Variants in SCRIB observed in about 807,000 individuals in gnomAD.
SCRIB encodes the protein scribble planar cell polarity protein.
In SCRIB, 72 loss-of-function variants were observed where a neutral mutation model predicts 170.0. That is an observed-to-expected ratio of 0.42 (90% CI 0.35 to 0.52). The LOEUF is 0.52. SCRIB is among the 20% of genes least tolerant of loss of function. SCRIB has a pLI of 0.02. For missense variants in SCRIB, 2,475 were observed against 2,338.5 expected (o/e 1.06, Z -1.20); for synonymous variants, 1,298 against 1,044.3 (o/e 1.24, Z -4.68).
At chr8:143,814,647 C>G (rs927972570) in intron 1 of SCRIB, among the ~76,000 whole-genome samples, 1 of 152,230 alleles carries the variant, frequency 6.6e-6, no homozygotes, top group African/African-American at 2.4e-5. Flanking sequence ...GACACCCAAC[C>G]CCTAGGTACT....
At position 143,792,421 on chromosome 8, in the gene SCRIB, G is replaced by T; in HGVS notation, c.4329-16C>A. 1 of 1,507,910 alleles carries T rather than the reference G, an allele frequency of 6.6e-7. No homozygotes were observed. The highest frequency in any genetic ancestry group is 2.3e-5 in the East Asian group (1 of 42,636). The allele number at this position is 1,507,910 out of a possible 1,614,324, so 93.4% of individuals were successfully genotyped here. A position where few individuals can be genotyped will look rare whatever the true frequency, so the allele number is the denominator to read the frequency against. ...CGGGCTCTGCCTGGGGAAGGGACAG[G>T]ACGTGCTGTGGGGGGCAGGGGCACG... On this transcript the variant is annotated splice_polypyrimidine_tract_variant and intron_variant, in intron 31 of 36. Transcript: ENST00000356994.
At position 143,793,288 on chromosome 8, in the gene SCRIB, G is replaced by C. The variant is rs1814789976; in HGVS notation, c.3910-205C>G. On this transcript the variant is annotated intron_variant, in intron 28 of 36. Transcript: ENST00000356994. ...GGGACAACCTCTGCCCCTGGGGGCT[G>C]GGGAGCCCCTTGGCCAGGCCTGAGC... is the stretch of plus-strand genomic sequence containing the variant. 1.5e-5 allele frequency: 7 copies of C among 465,246 alleles called. 1 individual carries two copies. In the East Asian group the frequency reaches 2.4e-4, roughly 16 times the overall value. The allele number at this position is 465,246 out of a possible 1,614,324, so 28.8% of individuals were successfully genotyped here.
chr8:143,812,297 G>A lies in SCRIB; in HGVS notation c.875C>T (p.Ser292Phe), dbSNP rs1267230125. ...CAGGTTCTCCGTGAGGATCAGCTCA[G>A]AGAGGTTCTCACAGTCCCCGATGGC... is the stretch of plus-strand genomic sequence containing the variant. ...TEAIGDCENL[S>F]ELILTENLLM... is the part of the protein sequence containing the mutation. The change falls in exon 9 of 37, where the codon TCT (serine) becomes TTT (phenylalanine). Residue 292 changes from serine (S) to phenylalanine (F), a missense_variant. By Grantham distance (155) the Ser-to-Phe change is radical. This residue lies in a region of SCRIB where 487 missense variants were observed against 558.1 expected (regional missense o/e 0.87). Transcript: ENST00000356994. The A allele has an allele frequency of 1.9e-6, 3 of 1,612,686 alleles. No homozygotes were observed. Among genetic ancestry groups the A allele is most frequent in the African/African-American group, 2.7e-5 (2 of 74,846 alleles).
At chr8:143,805,526 G>A in intron 18 of SCRIB, 91 bp from the exon 19 acceptor site, 1 of 1,283,250 alleles carries the variant, frequency 7.8e-7, no homozygotes, top group Non-Finnish European at 1.0e-6. Flanking sequence ...TCCAGGATGG[G>A]GAGACTGAGG....
chr8:143,807,599 G>A lies in SCRIB; in HGVS notation c.2131C>T (p.Gln711Ter). The A allele has an allele frequency of 2.5e-6, 4 of 1,613,868 alleles. No homozygotes were observed. The highest frequency in any genetic ancestry group is 3.4e-6 in the Non-Finnish European group (4 of 1,179,844). ...APSVKGVSFD[Q>*]ANNLLIEPAR... ...GGCTCTATCAGCAGGTTATTGGCCT[G>A]GTCAAACGACACTCCCTGTTAGGAC... The change falls in exon 16 of 37, where the codon CAG (glutamine) becomes TAG (stop). Residue 711 changes from glutamine to a stop codon, truncating the protein, a stop_gained. Transcript: ENST00000356994. LOFTEE classifies it high-confidence loss of function.
intron 13 of SCRIB, among the ~76,000 whole-genome samples, chr8:143,810,173 C>A (rs1030603646): frequency 2.0e-5 from 3 of 152,140 alleles, no homozygotes; most frequent in Non-Finnish European, 2.9e-5. Flanking sequence ...CGATGACACC[C>A]ACGGCAGTTC....
intron 28 of SCRIB, chr8:143,793,533 C>T (rs1437467961): frequency 1.3e-5 from 4 of 306,188 alleles, no homozygotes; most frequent in South Asian, 1.0e-4. Context: ...TCCACCCCCA[C>T]GTGGCAGTGT....
rs1815545378 is a variant in SCRIB at position 143,808,597 on chromosome 8, G to A, written c.2115+12C>T. ...GGAATCTGGGTCAGGCAGGGGTGAG[G>A]CTGACACCAACCTTGACAGAGGGCG... On this transcript the variant is annotated intron_variant, in intron 15 of 36. Coordinates refer to ENST00000356994, the MANE Select transcript of SCRIB (RefSeq NM_182706.5). 3.3e-6 allele frequency: 5 copies of A among 1,505,510 alleles called. No homozygotes were observed. The highest frequency in any genetic ancestry group is 4.4e-6 in the Non-Finnish European group (5 of 1,128,080). 93.3% of individuals were successfully genotyped at this position (1,505,510 alleles called of 1,614,324 possible).
chr8:143,792,756 C>G lies in SCRIB; in HGVS notation c.4129G>C (p.Val1377Leu), dbSNP rs868933769. The stretch of plus-strand genomic sequence containing the variant: ...AGGTCGTCAGCACCCACCAGGGACA[C>G]GCGCTTAGGGGGGCCCTCGGCCTGG... ...VPQAEGPPKRVSLVGADDLRK... is the reference protein window; with the variant it reads ...VPQAEGPPKRLSLVGADDLRK... The change falls in exon 30 of 37, where the codon GTG becomes CTG. Residue 1377 changes from valine (V) to leucine (L), a missense_variant. Around this residue, in one of 3 missense-constraint regions of SCRIB, gnomAD observed 1,966 missense variants for 1,742.9 expected, o/e 1.13. Transcript: ENST00000356994. 6.3e-7 allele frequency: 1 copy of G among 1,591,028 alleles called. No individual in the cohort carries two copies. The highest frequency in any genetic ancestry group is 8.5e-7 in the Non-Finnish European group (1 of 1,172,152).
chr8:143,792,954 G>T, intron 29 of SCRIB, 22 bp downstream of exon 29: 1 of 1,499,362 alleles, frequency 6.7e-7, no homozygotes, highest in Non-Finnish European at 8.9e-7. Context: ...GCGCAGCAGG[G>T]AGGCGTGCTG....
chr8:143,813,647 C>T lies in SCRIB; in HGVS notation c.436G>A (p.Asp146Asn), dbSNP rs1447057885. 1.9e-6 allele frequency: 3 copies of T among 1,613,210 alleles called. No individual in the cohort carries two copies. The highest frequency in any genetic ancestry group is 2.7e-5 in the African/African-American group (2 of 74,944). The change falls in exon 4 of 37, where the codon GAC becomes AAC. Residue 146 changes from aspartate (D) to asparagine (N), a missense_variant. This residue lies in a region of SCRIB where 487 missense variants were observed against 558.1 expected (regional missense o/e 0.87). Transcript: ENST00000356994. ...TGAGAAGGCACTCACTTGCCCACGT[C>T]CCCGGGCAGTGCCTGCAGAGACACA... ...NDVSLQALPG[D>N]VGNLANLVTL...
At chr8:143,791,822 A>AC (rs143315468) in intron 34 of SCRIB, 54 bp downstream of exon 34, 83,956 of 1,223,756 alleles carry the variant, frequency 0.069, 1,947 homozygotes, top group East Asian at 0.3. Flanking sequence ...GGCAGGCCAG[A>AC]CCCCACCCCC....
Position 143,814,103 on chromosome 8 carries a change from G to A in SCRIB, c.175C>T (p.Leu59=), listed in dbSNP as rs945114853. ...RELPKPFFRL[L]NLRKLGLSDN... is the part of the protein sequence containing the mutation. Reference sequence around the variant, plus strand: ...CTCAGGCCCAGCTTGCGCAAGTTCAGCAGCCGGAAAAAAGGCTGTGGGCAG... The same window carrying A: ...CTCAGGCCCAGCTTGCGCAAGTTCAACAGCCGGAAAAAAGGCTGTGGGCAG... The change falls in exon 2 of 37, where the codon CTG becomes TTG. Residue 59 remains leucine (L), a synonymous_variant. Coordinates refer to ENST00000356994, the MANE Select transcript of SCRIB (RefSeq NM_182706.5). 1.2e-5 allele frequency: 19 copies of A among 1,553,596 alleles called. No homozygotes were observed. The highest frequency in any genetic ancestry group is 1.6e-5 in the Non-Finnish European group (18 of 1,148,300).
intron 29 of SCRIB, 48 bp downstream of exon 29, chr8:143,792,928 C>A (rs966568071): frequency 2.0e-6 from 3 of 1,498,348 alleles, no homozygotes; most frequent in African/African-American, 2.8e-5. Context: ...GGCCCCCGGG[C>A]ACCCACCCCA....
In SCRIB at chr8:143,815,343, G is replaced by A; in HGVS notation, c.30C>T (p.Cys10=). The A allele has an allele frequency of 1.9e-6, 3 of 1,552,970 alleles. No homozygotes were observed. Among genetic ancestry groups the A allele is most frequent in the Non-Finnish European group, 1.7e-6 (2 of 1,150,636 alleles). The change falls in exon 1 of 37, where the codon TGC becomes TGT. Residue 10 remains cysteine (C), a synonymous_variant. Transcript: ENST00000356994. ...TGTCCACCGACTCCACGTGCCGGTT[G>A]CAGCGCCACAGCGGGATGCACTTGA... The part of the protein sequence containing the change: MLKCIPLWR[C]NRHVESVDKR...
chr8:143,794,156 G>A (rs1477473093), intron 27 of SCRIB, 194 bp from the exon 28 acceptor site: 4 of 582,732 alleles, frequency 6.9e-6, no homozygotes, highest in East Asian at 5.6e-5. Flanking sequence ...GGATGCGGGG[G>A]CCTGGGCTGG....
rs1554633097 is a variant in SCRIB, at chr8:143,792,469, G to A, written c.4328+16C>T. 2.6e-6 allele frequency: 4 copies of A among 1,525,248 alleles called. No homozygotes were observed. The highest frequency in any genetic ancestry group is 3.5e-6 in the Non-Finnish European group (4 of 1,139,702). The allele number at this position is 1,525,248 out of a possible 1,614,324, so 94.5% of individuals were successfully genotyped here. ...ACGTGGGGTGAGTAGGGGGCGTCTG[G>A]TGGGCGGGTGCTCACCTTGAGGTGG... is the stretch of plus-strand genomic sequence containing the variant. On this transcript the variant is annotated intron_variant, in intron 31 of 36. Transcript: ENST00000356994.
At chr8:143,795,153 G>T in intron 26 of SCRIB, 41 bp from the exon 27 acceptor site, 1 of 1,602,534 alleles carries the variant, frequency 6.2e-7, no homozygotes, top group Non-Finnish European at 8.5e-7. Context: ...GGGTAGCTCC[G>T]TGGCAGCACC....
rs782428100 is a variant in SCRIB, at chr8:143,792,044, C to T, written c.4604G>A (p.Arg1535Gln). ...EGRGTRGPLE[R>Q]LAEAPSPAPT... ...CGCAGGGGAAGGGGCCTCGGCCAGTCGCTCCAGGGGCCCCCGCGTGCCCCG... is the reference window on the plus strand; with the variant it reads ...CGCAGGGGAAGGGGCCTCGGCCAGTTGCTCCAGGGGCCCCCGCGTGCCCCG... Residue 1535 changes from arginine to glutamine, a missense_variant, in exon 33 of 37, where the codon CGA (arginine) becomes CAA (glutamine). By Grantham distance (43) the Arg-to-Gln change is conservative (BLOSUM62 1). Transcript: ENST00000356994. The T allele has an allele frequency of 6.2e-5, 98 of 1,580,046 alleles. No homozygotes were observed. The highest frequency in any genetic ancestry group is 1.3e-4 in the African/African-American group (10 of 74,276).
Sources: allele counts gnomAD v4.1 joint callset (sites outside exome capture counted in the v4.1 genomes callset), GRCh38; gene constraint gnomAD v4.1.1; regional missense constraint gnomAD v4.1.1; transcripts MANE v1.5; gene names NCBI Gene and HGNC (gene_info 2026-07-23, HGNC 2026-07-21).